Variants in APOC2 observed in about 807,000 individuals in gnomAD.
The protein encoded by APOC2 is apolipoprotein C-II.
In APOC2, 6 loss-of-function variants were observed where a neutral mutation model predicts 10.2. The ratio of observed to expected loss-of-function variants is 0.59; its 90% CI spans 0.32 to 1.16. APOC2 has a LOEUF of 1.16. Ranked by LOEUF, APOC2 falls within the 50% of genes most tolerant of loss-of-function variation. APOC2 has a pLI of 0.05. For missense variants in APOC2, 110 were observed against 117.6 expected (o/e 0.94, Z 0.30); for synonymous variants, 56 against 48.5 (o/e 1.15, Z -0.64).
rs745590642 is a variant in APOC2, at chr19:44,948,469, T to C, written c.-10T>C. 1 of 1,613,854 alleles carries C rather than the reference T, an allele frequency of 6.2e-7. No individual in the cohort carries two copies. Among genetic ancestry groups the C allele is most frequent in the African/African-American group, 1.3e-5 (1 of 74,984 alleles). On this transcript the variant is annotated 5_prime_UTR_variant, in exon 2 of 4. Coordinates refer to ENST00000252490, the MANE Select transcript of APOC2 (RefSeq NM_000483.5). ...TGACACCCCCTCAATGTTCCAGGTC[T>C]CTGGACACTATGGGCACACGACTCC...
At chr19:44,947,715 C>T (rs960088990) in intron 1 of APOC2, among the ~76,000 whole-genome samples, 4 of 152,156 alleles carry the variant, frequency 2.6e-5, no homozygotes, top group Non-Finnish European at 5.9e-5. Context: ...AGGCAAATCA[C>T]TTGAGGTTAG....
chr19:44,947,575 C>T (rs868804237), intron 1 of APOC2, among the ~76,000 whole-genome samples: 43 of 152,180 alleles, frequency 2.8e-4, no homozygotes, highest in African/African-American at 9.4e-4. Context: ...ATGGGAGGAT[C>T]GCTTGAGCCC....
chr19:44,948,825 G>A lies in APOC2; in HGVS notation c.180G>A (p.Glu60=), dbSNP rs1183294807. The change falls in exon 3 of 4, where the codon GAG becomes GAA. Residue 60 remains glutamate, a synonymous_variant. Coordinates refer to ENST00000252490, the MANE Select transcript of APOC2 (RefSeq NM_000483.5). ...AGACAGCCGCCCAGAACCTGTACGA[G>A]AAGACATACCTGCCCGCTGTAGATG... ...SAKTAAQNLY[E]KTYLPAVDEK... The A allele has an allele frequency of 1.2e-6, 2 of 1,613,760 alleles. No individual in the cohort carries two copies. The highest frequency in any genetic ancestry group is 1.7e-6 in the Non-Finnish European group (2 of 1,180,028).
intron 1 of APOC2, among the ~76,000 whole-genome samples, chr19:44,947,572 G>A (rs1343920342): frequency 6.6e-6 from 1 of 152,102 alleles, no homozygotes; most frequent in Non-Finnish European, 1.5e-5. Context: ...GAGATGGGAG[G>A]ATCGCTTGAG....
At chr19:44,948,628 T>C in intron 2 of APOC2, 73 bp from the exon 3 acceptor site, 1 of 1,605,546 alleles carries the variant, frequency 6.2e-7, no homozygotes, top group Admixed American at 1.7e-5. Context: ...GCCTCTGCCC[T>C]CTCCTCTTCT....
At chr19:44,946,232 T>TGA (rs1420649260) in intron 1 of APOC2, among the ~76,000 whole-genome samples, 157 bp downstream of exon 1, 82 of 120,396 alleles carry the variant, frequency 6.8e-4, no homozygotes, top group African/African-American at 1.7e-3. Flanking sequence ...TGTGTGTGTG[T>TGA]GTGAGAGAGA....
At chr19:44,948,907 T>G (rs764993276) in intron 3 of APOC2, 47 bp downstream of exon 3, 1 of 1,605,486 alleles carries the variant, frequency 6.2e-7, no homozygotes, top group Non-Finnish European at 8.5e-7. Flanking sequence ...TACCACCGAC[T>G]GCATCCAGGA....
intron 1 of APOC2, among the ~76,000 whole-genome samples, chr19:44,948,098 T>C (rs1970341892): frequency 6.6e-6 from 1 of 151,560 alleles, no homozygotes; most frequent in Non-Finnish European, 1.5e-5. Flanking sequence ...ATCAGCCGGG[T>C]GGTGGCGGGT....
chr19:44,949,472 A>G lies in APOC2; in HGVS notation c.*223A>G. ...GAGGGGCTGACTCAGTCCAGCCAAC[A>G]TTTAATGAGCACCTACTTTATGTAT... On this transcript the variant is annotated 3_prime_UTR_variant, in exon 4 of 4. Coordinates refer to ENST00000252490, the MANE Select transcript of APOC2 (RefSeq NM_000483.5). 1.7e-6 allele frequency: 1 copy of G among 587,050 alleles called. No homozygotes were observed. The highest frequency in any genetic ancestry group is 3.1e-6 in the Non-Finnish European group (1 of 326,836). The allele number at this position is 587,050 out of a possible 1,614,324, so 36.4% of individuals were successfully genotyped here. A position where few individuals can be genotyped will look rare whatever the true frequency, so the allele number is the denominator to read the frequency against.
At chr19:44,948,410 C>A in intron 1 of APOC2, 56 bp from the exon 2 acceptor site, 1 of 1,494,234 alleles carries the variant, frequency 6.7e-7, no homozygotes, top group South Asian at 1.1e-5. Flanking sequence ...GGGGCGTGAC[C>A]ACAGGAACAG....
At chr19:44,948,046 G>T (rs1049415244) in intron 1 of APOC2, among the ~76,000 whole-genome samples, 1 of 152,120 alleles carries the variant, frequency 6.6e-6, no homozygotes, top group Non-Finnish European at 1.5e-5. Flanking sequence ...TCCAGCCTGG[G>T]TGACAGAGCG....
At chr19:44,946,243 G>C (rs923831334) in intron 1 of APOC2, among the ~76,000 whole-genome samples, 168 bp downstream of exon 1, 2 of 151,450 alleles carry the variant, frequency 1.3e-5, no homozygotes, top group African/African-American at 2.4e-5. Context: ...GTGAGAGAGA[G>C]AGAGAGGGAG....
Position 44,948,847 on chromosome 19 carries a change from G to C in APOC2, c.202G>C (p.Asp68His). 3 of 1,613,026 alleles carry C rather than the reference G, an allele frequency of 1.9e-6. No individual in the cohort carries two copies. Among genetic ancestry groups the C allele is most frequent in the Non-Finnish European group, 2.5e-6 (3 of 1,180,020 alleles). The change falls in exon 3 of 4, where the codon GAT (aspartate) becomes CAT (histidine). Residue 68 changes from aspartate (D) to histidine (H), a missense_variant. Transcript: ENST00000252490. ...LYEKTYLPAV[D>H]EKLRDLYSKS... ...CGAGAAGACATACCTGCCCGCTGTA[G>C]ATGAGAAACTCAGGTAGCACCTGCC...
At chr19:44,946,263 C>T (rs1309355072) in intron 1 of APOC2, among the ~76,000 whole-genome samples, 188 bp downstream of exon 1, 2 of 149,100 alleles carry the variant, frequency 1.3e-5, no homozygotes, top group African/African-American at 5.1e-5. Flanking sequence ...GATGGAGTCT[C>T]GCTATGTAGC....
At position 44,948,846 on chromosome 19, in the gene APOC2, A is replaced by C. The variant is rs1463289569; in HGVS notation, c.201A>C (p.Val67=). 20 of 1,613,004 alleles carry C rather than the reference A, an allele frequency of 1.2e-5. No individual in the cohort carries two copies. Among genetic ancestry groups the C allele is most frequent in the Non-Finnish European group, 1.6e-5 (19 of 1,180,030 alleles). The change falls in exon 3 of 4, where the codon GTA becomes GTC. Residue 67 remains valine (V), a synonymous_variant. Transcript: ENST00000252490. ...NLYEKTYLPA[V]DEKLRDLYSK... ...ACGAGAAGACATACCTGCCCGCTGT[A>C]GATGAGAAACTCAGGTAGCACCTGC...
chr19:44,948,398 G>A (rs539679765), intron 1 of APOC2, 68 bp from the exon 2 acceptor site: 93 of 1,350,556 alleles, frequency 6.9e-5, no homozygotes, highest in Non-Finnish European at 9.7e-5. Flanking sequence ...CCCCACCAGA[G>A]TGGGGCGTGA....
intron 1 of APOC2, 22 bp from the exon 2 acceptor site, chr19:44,948,442 CAT>C (rs1184922156): frequency 1.9e-6 from 3 of 1,606,780 alleles, no homozygotes; most frequent in Non-Finnish European, 2.6e-6. Flanking sequence ...CAGCCTGCCA[CAT>C]GACACCCCCT....
chr19:44,948,493 C>T lies in APOC2; in HGVS notation c.15C>T (p.Leu5=). 1.9e-6 allele frequency: 3 copies of T among 1,614,088 alleles called. No individual in the cohort carries two copies. The highest frequency in any genetic ancestry group is 1.1e-5 in the South Asian group (1 of 91,062). Residue 5 remains leucine, a synonymous_variant, in exon 2 of 4, where the codon CTC becomes CTT. Coordinates refer to ENST00000252490, the MANE Select transcript of APOC2 (RefSeq NM_000483.5). Reference sequence around the variant, plus strand: ...CTCTGGACACTATGGGCACACGACTCCTCCCAGCTCTGTTTCTTGTCCTCC... The same window carrying T: ...CTCTGGACACTATGGGCACACGACTTCTCCCAGCTCTGTTTCTTGTCCTCC... MGTR[L]LPALFLVLLV... is the part of the protein sequence containing the mutation.
intron 2 of APOC2, 26 bp from the exon 3 acceptor site, chr19:44,948,675 T>C (rs889880226): frequency 6.2e-7 from 1 of 1,613,468 alleles, no homozygotes; most frequent in Non-Finnish European, 8.5e-7. Flanking sequence ...CCCCACGGGC[T>C]CTCCTGACAC....
Sources: allele counts gnomAD v4.1 joint callset (sites outside exome capture counted in the v4.1 genomes callset), GRCh38; gene constraint gnomAD v4.1.1; transcripts MANE v1.5; gene names NCBI Gene and HGNC (gene_info 2026-07-23, HGNC 2026-07-21).